The following NPHS1 variants were observed in gnomAD, a reference collection of about 807,000 sequenced individuals.
The protein encoded by NPHS1 is NPHS1 adhesion molecule, nephrin.
In NPHS1, 107 loss-of-function variants were observed where a neutral mutation model predicts 139.7. That is an observed-to-expected ratio of 0.77 (90% CI 0.66 to 0.90). The LOEUF (loss-of-function observed/expected upper bound fraction) is 0.90. Ranked by LOEUF, NPHS1 falls within the 40% of genes least tolerant of loss-of-function variation. The probability of loss-of-function intolerance (pLI) is 0.00; values close to 1 mark genes in which losing one functional copy is unlikely to be tolerated. For missense variants in NPHS1, 1,580 were observed against 1,654.2 expected (o/e 0.96, Z 0.78); for synonymous variants, 707 against 706.6 (o/e 1.00, Z -0.01).
rs779563002 is a variant in NPHS1 at position 35,851,548 on chromosome 19, C to T, written c.183G>A (p.Ala61=). 4.3e-6 allele frequency: 7 copies of T among 1,613,944 alleles called. No individual in the cohort carries two copies. The highest frequency in any genetic ancestry group is 2.2e-5 in the East Asian group (1 of 44,882). Residue 61 remains alanine (A), a synonymous_variant, in exon 2 of 29, where the codon GCG becomes GCA. Transcript: ENST00000378910. ...GCAGCCCATCTTTGGCCCATTGCAC[C>T]GCACTGCCAGGGGTGCTGACCCCAC... ...LRCGVSTPGS[A]VQWAKDGLLL... is the part of the protein sequence containing the mutation.
chr19:35,842,184 A>G lies in NPHS1; in HGVS notation c.2603T>C (p.Val868Ala). 1 of 1,611,422 alleles carries G rather than the reference A, an allele frequency of 6.2e-7. No individual in the cohort carries two copies. The highest frequency in any genetic ancestry group is 8.5e-7 in the Non-Finnish European group (1 of 1,179,092). The change falls in exon 19 of 29, where the codon GTC (valine) becomes GCC (alanine). Residue 868 changes from valine to alanine, a missense_variant. Transcript: ENST00000378910. The stretch of plus-strand genomic sequence containing the variant: ...TGTCCAAGTGAAAACGATGTTGGGG[A>G]CACCTCGGGCACGGCAGTGGAGGGT... Reference protein sequence around the residue: ...SATLHCRARGVPNIVFTWTKN... With the variant: ...SATLHCRARGAPNIVFTWTKN...
chr19:35,835,666 T>C (rs1972947225), intron 23 of NPHS1, 39 bp downstream of exon 23: 2 of 1,588,876 alleles, frequency 1.3e-6, no homozygotes, highest in South Asian at 2.2e-5. Context: ...GGTTCCATTC[T>C]CAGGGGAGCC....
intron 22 of NPHS1, among the ~76,000 whole-genome samples, chr19:35,837,225 T>C (rs1972980075): frequency 6.6e-6 from 1 of 152,210 alleles, no homozygotes; most frequent in East Asian, 1.9e-4. Context: ...ATACTGTGCC[T>C]ATCAGAATTG....
intron 7 of NPHS1, 22 bp from the exon 8 acceptor site, chr19:35,849,169 G>T: frequency 1.2e-6 from 2 of 1,612,132 alleles, no homozygotes; most frequent in South Asian, 2.2e-5. Flanking sequence ...GACAGGCCTG[G>T]GCCAGCTCAG....
chr19:35,843,756 G>T (rs1354620686), intron 16 of NPHS1, 163 bp from the exon 17 acceptor site: 3 of 878,884 alleles, frequency 3.4e-6, no homozygotes, highest in Non-Finnish European at 5.2e-6. Context: ...CTCAAGGTTG[G>T]TGAGGTTGTC....
chr19:35,834,708 G>A (rs180928103), intron 23 of NPHS1, among the ~76,000 whole-genome samples: 50 of 151,818 alleles, frequency 3.3e-4, no homozygotes, highest in African/African-American at 6.8e-4. Flanking sequence ...TGGCTAACGC[G>A]GTGAAACCTC....
intron 16 of NPHS1, 87 bp from the exon 17 acceptor site, chr19:35,843,680 G>A: frequency 6.4e-7 from 1 of 1,557,360 alleles, no homozygotes; most frequent in Non-Finnish European, 8.8e-7. Context: ...GATGTCTTAG[G>A]GGTTCCAGGA....
chr19:35,839,778 T>C (rs529159261), intron 20 of NPHS1, among the ~76,000 whole-genome samples, 171 bp from the exon 21 acceptor site: 1 of 152,260 alleles, frequency 6.6e-6, no homozygotes, highest in South Asian at 2.1e-4. Context: ...CACCAAACTG[T>C]CCCTGTAATC....
In NPHS1 at chr19:35,839,319, G is replaced by A. The variant is rs762184939; in HGVS notation, c.3027C>T (p.Tyr1009=). Residue 1009 remains tyrosine (Y), a synonymous_variant, in exon 22 of 29, where the codon TAC becomes TAT. Coordinates refer to ENST00000378910, the MANE Select transcript of NPHS1 (RefSeq NM_004646.4). ...CATTACTGGCCAGCAGCCAGACCCT[G>A]TATCTTGTAGAAGGCTGTAGACCAG... is the stretch of plus-strand genomic sequence containing the variant. The part of the protein sequence containing the change: ...TLTGLQPSTR[Y]RVWLLASNAL... 140 of 1,614,100 alleles carry A rather than the reference G, an allele frequency of 8.7e-5. No homozygotes were observed. Among genetic ancestry groups the A allele is most frequent in the Non-Finnish European group, 1.1e-4 (128 of 1,180,042 alleles).
chr19:35,840,435 C>T (rs1027177065), intron 20 of NPHS1, among the ~76,000 whole-genome samples: 13 of 137,548 alleles, frequency 9.5e-5, no homozygotes, highest in African/African-American at 1.9e-4. Flanking sequence ...CCTGGGTTCA[C>T]GCCATTCTCC....
At chr19:35,849,443 C>T in intron 6 of NPHS1, 80 bp from the exon 7 acceptor site, 2 of 1,598,852 alleles carry the variant, frequency 1.3e-6, no homozygotes, top group Non-Finnish European at 1.7e-6. Context: ...TTTGAACCCC[C>T]ATGTTTCTCT....
chr19:35,832,324 G>A (rs910661364), intron 23 of NPHS1, among the ~76,000 whole-genome samples: 1 of 152,146 alleles, frequency 6.6e-6, no homozygotes, highest in African/African-American at 2.4e-5. Flanking sequence ...TGGGAGAATC[G>A]CTTGAGCCTA....
intron 5 of NPHS1, among the ~76,000 whole-genome samples, chr19:35,850,092 T>C (rs1183685840): frequency 6.6e-6 from 1 of 152,034 alleles, no homozygotes; most frequent in Non-Finnish European, 1.5e-5. Flanking sequence ...ATTTTTGTAT[T>C]TTTAGTGAAA....
At chr19:35,835,579 AGCGACTGAGCTTG>A in intron 23 of NPHS1, 113 bp downstream of exon 23, 1 of 874,302 alleles carries the variant, frequency 1.1e-6, no homozygotes, top group Non-Finnish European at 1.9e-6. Context: ...TACAGGCGTG[AGCGACTGAGCTTG>A]GCCAGAACTA....
intron 22 of NPHS1, among the ~76,000 whole-genome samples, chr19:35,838,763 C>T (rs923528706): frequency 5.9e-5 from 9 of 151,994 alleles, no homozygotes; most frequent in African/African-American, 9.7e-5. Flanking sequence ...AAGAGAATTG[C>T]TTGAACCCAG....
rs774288763 is a variant in NPHS1 at position 35,845,627 on chromosome 19, C to G, written c.1757+42G>C. 4.4e-6 allele frequency: 7 copies of G among 1,608,750 alleles called. No individual in the cohort carries two copies. Among genetic ancestry groups the G allele is most frequent in the Non-Finnish European group, 5.9e-6 (7 of 1,177,534 alleles). On this transcript the variant is annotated intron_variant, in intron 13 of 28. Transcript: ENST00000378910. This position sits in a 1 kb window ranked among gnomAD's most constrained non-coding sequence, Gnocchi z 5.5. ...GGGGGCGGGACATGCGTGGAGGGGG[C>G]GAGGCCAGACCAGAGAGGGGAGGGA...
intron 22 of NPHS1, 72 bp downstream of exon 22, chr19:35,839,165 G>A (rs1705242743): frequency 1.4e-6 from 2 of 1,430,388 alleles, no homozygotes; most frequent in East Asian, 4.5e-5. Flanking sequence ...AAGGGGAATA[G>A]TATTGACTTC....
intron 11 of NPHS1, 27 bp downstream of exon 11, chr19:35,848,014 C>T: frequency 2.5e-6 from 4 of 1,612,228 alleles, no homozygotes; most frequent in Non-Finnish European, 3.4e-6. Context: ...TTCCTGGCCA[C>T]CCCCATAGCC....
rs777175636 is a variant in NPHS1 at position 35,851,504 on chromosome 19, C to G, written c.227G>C (p.Arg76Thr). 10 of 1,613,758 alleles carry G rather than the reference C, an allele frequency of 6.2e-6. No individual in the cohort carries two copies. The highest frequency in any genetic ancestry group is 7.6e-6 in the Non-Finnish European group (9 of 1,180,014). ...GCGGTACCTCGGGAAGCCTGGGATCCTGGGGTCGGGGCCCAGGAGCAGCCC... is the reference window on the plus strand; with the variant it reads ...GCGGTACCTCGGGAAGCCTGGGATCGTGGGGTCGGGGCCCAGGAGCAGCCC... ...KDGLLLGPDPRIPGFPRYRLE... is the reference protein window; with the variant it reads ...KDGLLLGPDPTIPGFPRYRLE... The change falls in exon 2 of 29, where the codon AGG (arginine) becomes ACG (threonine). Residue 76 changes from arginine (R) to threonine (T), a missense_variant. Coordinates refer to ENST00000378910, the MANE Select transcript of NPHS1 (RefSeq NM_004646.4).
Sources: gnomAD v4.1 joint callset for allele counts (sites outside exome capture counted in the v4.1 genomes callset) on GRCh38, gnomAD v4.1.1 for gene constraint, Gnocchi (gnomAD v3.1) non-coding constraint, MANE v1.5 for transcripts, NCBI Gene and HGNC (gene_info 2026-07-23, HGNC 2026-07-21) for gene names.